Variants in TRABD2B observed in about 807,000 individuals in gnomAD.
TRABD2B encodes the protein TraB domain containing 2B, also known as metalloprotease TIKI2.
Under a neutral mutation model 40.1 loss-of-function variants are expected in TRABD2B, and 14 were observed. The observed-to-expected ratio is 0.35, with a 90% CI of 0.23 to 0.55. The LOEUF is 0.55. TRABD2B is among the 20% of genes least tolerant of loss of function. The pLI, the probability that TRABD2B is intolerant of heterozygous loss-of-function variation, is 0.90. For synonymous variants in TRABD2B, 263 were observed against 277.0 expected (o/e 0.95, Z 0.50); for missense variants, 541 against 648.6 (o/e 0.83, Z 1.80).
At chr1:47,856,116 A>G (rs1169440313) in intron 2 of TRABD2B, among the ~76,000 whole-genome samples, 1 of 152,222 alleles carries the variant, frequency 6.6e-6, no homozygotes, top group African/African-American at 2.4e-5. Flanking sequence ...GACTCAAAGA[A>G]AGGCCCCTGA....
At position 47,947,445 on chromosome 1, in the gene TRABD2B, T is replaced by C. The variant is rs181153747; in HGVS notation, c.666+46589A>G. Among the ~76,000 whole-genome samples, 494 of 152,176 alleles carry C rather than the reference T, an allele frequency of 3.2e-3. 3 individuals carry two copies. The highest frequency in any genetic ancestry group is 5.6e-3 in the Non-Finnish European group (382 of 67,994). ...TTAGCATAATGGCGTCATTAACACA[T>C]ACAATATATAACTCATACAAAGCAG... On this transcript the variant is annotated intron_variant, in intron 2 of 6. Coordinates refer to ENST00000606738, the MANE Select transcript of TRABD2B (RefSeq NM_001194986.2).
intron 2 of TRABD2B, among the ~76,000 whole-genome samples, chr1:47,958,166 T>C (rs1344503122): frequency 3.0e-4 from 43 of 145,328 alleles, no homozygotes; most frequent in East Asian, 6.2e-4. Context: ...TGCTGAGAGA[T>C]TTTGTCACCA....
intron 2 of TRABD2B, among the ~76,000 whole-genome samples, chr1:47,864,147 A>T (rs560667728): frequency 3.9e-5 from 6 of 152,254 alleles, no homozygotes; most frequent in African/African-American, 1.4e-4. Context: ...GGGCAATGAA[A>T]TAATCTGTAT....
chr1:47,778,680 G>A, intron 4 of TRABD2B, 136 bp from the exon 5 acceptor site: 1 of 675,810 alleles, frequency 1.5e-6, no homozygotes. Context: ...TCCCTGAGAG[G>A]CAGTATAGCA....
intron 2 of TRABD2B, among the ~76,000 whole-genome samples, chr1:47,986,786 G>A (rs569075536): frequency 1.3e-5 from 2 of 152,216 alleles, no homozygotes; most frequent in Non-Finnish European, 2.9e-5. Flanking sequence ...ACAGTTTTGT[G>A]TTCCAGCGGA....
At chr1:47,889,498 T>C (rs141923344) in intron 2 of TRABD2B, among the ~76,000 whole-genome samples, 4 of 152,338 alleles carry the variant, frequency 2.6e-5, no homozygotes, top group African/African-American at 9.6e-5. Flanking sequence ...TATTGCCAGA[T>C]GTGGGGATAA....
At chr1:47,918,870 AAG>A in intron 2 of TRABD2B, among the ~76,000 whole-genome samples, 1 of 152,186 alleles carries the variant, frequency 6.6e-6, no homozygotes, top group Non-Finnish European at 1.5e-5. Flanking sequence ...GGCTGACCAA[AAG>A]CCAAGGGATT....
intron 2 of TRABD2B, among the ~76,000 whole-genome samples, chr1:47,991,943 C>T (rs957163495): frequency 2.6e-5 from 4 of 152,160 alleles, no homozygotes; most frequent in African/African-American, 9.7e-5. Flanking sequence ...GCTCCAGAAT[C>T]CCACCCTTCC....
At chr1:47,847,531 C>T (rs1645488746) in intron 2 of TRABD2B, among the ~76,000 whole-genome samples, 1 of 152,206 alleles carries the variant, frequency 6.6e-6, no homozygotes, top group South Asian at 2.1e-4. Flanking sequence ...GATGGGGAAA[C>T]TGAGGCCCAG....
chr1:47,877,554 T>C (rs906400398), intron 2 of TRABD2B, among the ~76,000 whole-genome samples: 4 of 152,180 alleles, frequency 2.6e-5, no homozygotes, highest in African/African-American at 9.7e-5. Flanking sequence ...GCCATCTCTA[T>C]TAAAAACCTT....
rs544368560 is a variant in TRABD2B at position 47,811,334 on chromosome 1, C to T, written c.667-9715G>A. Reference sequence around the variant, plus strand: ...TGGACTTGGCCTCTAGTACAGCTGTCGCCTGCCCCGTGGACTTGGTGGTGC... The same window carrying T: ...TGGACTTGGCCTCTAGTACAGCTGTTGCCTGCCCCGTGGACTTGGTGGTGC... On this transcript the variant is annotated intron_variant, in intron 2 of 6. Coordinates refer to ENST00000606738, the MANE Select transcript of TRABD2B (RefSeq NM_001194986.2). Among the ~76,000 whole-genome samples the T allele has an allele frequency of 6.6e-5, 10 of 152,218 alleles. No homozygotes were observed. In the East Asian group the frequency reaches 1.4e-3, roughly 21 times the overall value.
chr1:47,937,453 C>T, intron 2 of TRABD2B, among the ~76,000 whole-genome samples: 1 of 151,648 alleles, frequency 6.6e-6, no homozygotes, highest in East Asian at 1.9e-4. Flanking sequence ...ACTATCATCA[C>T]CATCATCACC....
chr1:47,909,287 T>A (rs1644718389), intron 2 of TRABD2B, among the ~76,000 whole-genome samples: 1 of 152,082 alleles, frequency 6.6e-6, no homozygotes, highest in African/African-American at 2.4e-5. Flanking sequence ...TCTGCAAGCA[T>A]TACAAGAAGC....
intron 2 of TRABD2B, among the ~76,000 whole-genome samples, chr1:47,868,959 C>T (rs997198179): frequency 6.6e-6 from 1 of 152,192 alleles, no homozygotes; most frequent in African/African-American, 2.4e-5. Flanking sequence ...GGTCCTCACT[C>T]TGGACTCTGC....
intron 2 of TRABD2B, among the ~76,000 whole-genome samples, chr1:47,909,883 G>T (rs111732294): frequency 1 from 144,254 of 144,254 alleles, 72,127 homozygotes; most frequent in Non-Finnish European, 1. Flanking sequence ...GAGACACTTT[G>T]GAACTGTTAC....
chr1:47,829,361 A>G (rs10890506), intron 2 of TRABD2B, among the ~76,000 whole-genome samples: 103,407 of 151,916 alleles, frequency 0.68, 35,517 homozygotes, highest in South Asian at 0.83. Flanking sequence ...GCGGAGCCCA[A>G]GTGTTTAGAA....
At chr1:47,977,765 G>A (rs1284759794) in intron 2 of TRABD2B, among the ~76,000 whole-genome samples, 4 of 151,932 alleles carry the variant, frequency 2.6e-5, no homozygotes, top group Non-Finnish European at 4.4e-5. Flanking sequence ...GAAATGAGGG[G>A]GAATTGAAAA....
In TRABD2B at chr1:47,763,971, C is replaced by T. The variant is rs1029873355; in HGVS notation, c.*1931G>A. ...TGGTGCCCACAGGGCTGGCTGGGCCCTCTAAGGCAGAGCTCCAGTCTCCTG... is the reference window on the plus strand; with the variant it reads ...TGGTGCCCACAGGGCTGGCTGGGCCTTCTAAGGCAGAGCTCCAGTCTCCTG... On this transcript the variant is annotated 3_prime_UTR_variant, in exon 7 of 7. Coordinates refer to ENST00000606738, the MANE Select transcript of TRABD2B (RefSeq NM_001194986.2). The T allele has an allele frequency of 6.6e-6, 1 of 152,276 alleles. No homozygotes were observed. Among genetic ancestry groups the T allele is most frequent in the African/African-American group, 2.4e-5 (1 of 41,460 alleles). 9.4% of individuals were successfully genotyped at this position (152,276 alleles called of 1,614,324 possible). A position where few individuals can be genotyped will look rare whatever the true frequency, so the allele number is the denominator to read the frequency against.
intron 2 of TRABD2B, among the ~76,000 whole-genome samples, chr1:47,828,599 G>A (rs958370349): frequency 2.6e-5 from 4 of 152,226 alleles, no homozygotes; most frequent in South Asian, 2.1e-4. Flanking sequence ...GCCGAGGCCA[G>A]AGGTATAAGT....
Sources: gnomAD v4.1 joint callset for allele counts (sites outside exome capture counted in the v4.1 genomes callset) on GRCh38, gnomAD v4.1.1 for gene constraint, MANE v1.5 for transcripts, NCBI Gene and HGNC (gene_info 2026-07-23, HGNC 2026-07-21) for gene names.